PCDH9: variants seen among roughly 807,000 people sequenced by gnomAD.
PCDH9 encodes the protein protocadherin 9, also known as protocadherin-9.
Under a neutral mutation model 70.6 loss-of-function variants are expected in PCDH9, and 24 were observed. The ratio of observed to expected loss-of-function variants is 0.34; its 90% CI spans 0.25 to 0.48. PCDH9 has a LOEUF of 0.48. Ranked by LOEUF, PCDH9 falls within the 20% of genes least tolerant of loss-of-function variation. The pLI is 0.99. For missense variants in PCDH9, 1,281 were observed against 1,503.6 expected, an observed-to-expected ratio of 0.85 and a Z score of 2.45; for synonymous variants, 562 against 558.5, an observed-to-expected ratio of 1.01 and a Z score of -0.09.
At chr13:66,448,142 T>A (rs956722763) in intron 4 of PCDH9, among the ~76,000 whole-genome samples, 3 of 152,174 alleles carry the variant, frequency 2.0e-5, no homozygotes, top group Non-Finnish European at 2.9e-5. Context: ...AGGAAGCAAT[T>A]TCTCAGTCCA....
chr13:66,401,665 C>T (rs1390655584), intron 4 of PCDH9, among the ~76,000 whole-genome samples: 1 of 152,044 alleles, frequency 6.6e-6, no homozygotes, highest in African/African-American at 2.4e-5. Context: ...ACTTAAGGTC[C>T]TAGATAAATA....
At chr13:66,997,895 A>G (rs2084154920) in intron 2 of PCDH9, among the ~76,000 whole-genome samples, 1 of 152,160 alleles carries the variant, frequency 6.6e-6, no homozygotes, top group African/African-American at 2.4e-5. Flanking sequence ...ATCAGGATGA[A>G]AAGAAAGAAA....
intron 2 of PCDH9, among the ~76,000 whole-genome samples, chr13:67,183,411 T>A (rs927627832): frequency 3.9e-5 from 6 of 152,322 alleles, no homozygotes; most frequent in Non-Finnish European, 5.9e-5. Flanking sequence ...TCTTTTCTTT[T>A]GAATCTATAA....
intron 3 of PCDH9, among the ~76,000 whole-genome samples, chr13:66,699,069 C>A (rs2078602230): frequency 6.6e-6 from 1 of 151,826 alleles, no homozygotes. Context: ...CACCCACCAT[C>A]ATGTCCGGCT....
chr13:67,075,453 G>T (rs1486763718), intron 2 of PCDH9, among the ~76,000 whole-genome samples: 1 of 152,046 alleles, frequency 6.6e-6, no homozygotes, highest in Non-Finnish European at 1.5e-5. Context: ...GAGAACCTAG[G>T]ATTTCAAACT....
intron 2 of PCDH9, among the ~76,000 whole-genome samples, chr13:67,030,483 C>T (rs1009228396): frequency 6.6e-6 from 1 of 151,862 alleles, no homozygotes; most frequent in Admixed American, 6.6e-5. Flanking sequence ...CTCATCCCCC[C>T]ACCACCGACC....
intron 4 of PCDH9, among the ~76,000 whole-genome samples, chr13:66,431,154 G>A (rs1443692830): frequency 1.3e-5 from 2 of 151,998 alleles, no homozygotes. Context: ...GTCTATAATA[G>A]TTCATAGATT....
rs1313632174 is a variant in PCDH9, at chr13:66,932,681, T to TATATATATATATATATATATATAC, written c.3037-29077_3037-29076insGTATATATATATATATATATATAT. ...TCACATATATATATATATATATATATACACACACACACACGTATGTATATA... is the reference window on the plus strand; with the variant it reads ...TCACATATATATATATATATATATATATATATATATATATATATATATACACACACACACACACGTATGTATATA... On this transcript the variant is annotated intron_variant, in intron 2 of 4. Transcript: ENST00000377865. 5.5e-3 allele frequency among the ~76,000 whole-genome samples: 628 copies of TATATATATATATATATATATATAC among 114,364 alleles called. 11 individuals carry two copies. Among genetic ancestry groups the TATATATATATATATATATATATAC allele is most frequent in the African/African-American group, 0.019 (557 of 28,854 alleles). The allele number at this position is 114,364 out of a possible 152,430, so 75.0% of individuals were successfully genotyped here. A position where few individuals can be genotyped will look rare whatever the true frequency, so the allele number is the denominator to read the frequency against.
intron 3 of PCDH9, among the ~76,000 whole-genome samples, chr13:66,721,900 C>T (rs1397919705): frequency 1.3e-5 from 2 of 152,170 alleles, no homozygotes; most frequent in African/African-American, 4.8e-5. Flanking sequence ...CTCCCAGAAC[C>T]TCCAATGACA....
At chr13:66,646,736 A>G (rs2077775980) in intron 3 of PCDH9, among the ~76,000 whole-genome samples, 1 of 152,242 alleles carries the variant, frequency 6.6e-6, no homozygotes, top group African/African-American at 2.4e-5. Flanking sequence ...CATAAAAACC[A>G]AAAGTCAAGT....
intron 2 of PCDH9, among the ~76,000 whole-genome samples, chr13:66,911,809 T>G (rs779729503): frequency 6.6e-6 from 1 of 152,178 alleles, no homozygotes; most frequent in Non-Finnish European, 1.5e-5. Flanking sequence ...AATAAGTGGA[T>G]GCAAGCAATG....
chr13:67,116,701 G>T (rs2086783070), intron 2 of PCDH9, among the ~76,000 whole-genome samples: 1 of 152,092 alleles, frequency 6.6e-6, no homozygotes, highest in Non-Finnish European at 1.5e-5. Context: ...TTGCTCCTTT[G>T]TTCCATCCAC....
intron 3 of PCDH9, among the ~76,000 whole-genome samples, chr13:66,812,745 C>T (rs924232069): frequency 6.6e-6 from 1 of 152,118 alleles, no homozygotes; most frequent in African/African-American, 2.4e-5. Flanking sequence ...GTAGTTGTTA[C>T]AGAAGAGAAA....
chr13:67,014,352 GCTTTC>G (rs2084515266), intron 2 of PCDH9, among the ~76,000 whole-genome samples: 1 of 151,986 alleles, frequency 6.6e-6, no homozygotes, highest in African/African-American at 2.4e-5. Context: ...CTCTCATATT[GCTTTC>G]CTCGCATAAT....
rs1474635736 is a variant in PCDH9 at position 66,713,655 on chromosome 13, T to TATATATATATATATA, written c.3139-82245_3139-82244insTATATATATATATAT. Reference sequence around the variant, plus strand: ...TATATATATATATATATATATATAATGTACACACACATCCAGTTGACTCTT... The same window carrying TATATATATATATATA: ...TATATATATATATATATATATATAATATATATATATATATAGTACACACACATCCAGTTGACTCTT... On this transcript the variant is annotated intron_variant, in intron 3 of 4. Coordinates refer to ENST00000377865, the MANE Select transcript of PCDH9 (RefSeq NM_203487.3). Among the ~76,000 whole-genome samples, 172 of 63,564 alleles carry TATATATATATATATA rather than the reference T, an allele frequency of 2.7e-3. 4 individuals are homozygous for TATATATATATATATA. Among genetic ancestry groups the TATATATATATATATA allele is most frequent in the African/African-American group, 1.0e-2 (163 of 16,310 alleles). 41.7% of individuals were successfully genotyped at this position (63,564 alleles called of 152,430 possible).
intron 2 of PCDH9, among the ~76,000 whole-genome samples, chr13:67,070,646 A>G (rs2085743426): frequency 6.6e-6 from 1 of 152,168 alleles, no homozygotes; most frequent in Non-Finnish European, 1.5e-5. Flanking sequence ...AATTATACAG[A>G]GGACATCTAG....
intron 3 of PCDH9, among the ~76,000 whole-genome samples, chr13:66,878,912 C>T (rs1322469708): frequency 2.6e-5 from 4 of 152,088 alleles, no homozygotes; most frequent in Non-Finnish European, 2.9e-5. Context: ...TATTGGGCGT[C>T]CACTAACTGG....
At chr13:66,558,667 A>G (rs1416691839) in intron 4 of PCDH9, among the ~76,000 whole-genome samples, 1 of 151,966 alleles carries the variant, frequency 6.6e-6, no homozygotes, top group Non-Finnish European at 1.5e-5. Context: ...TGCCAAAGTC[A>G]GAGCCTCAAG....
chr13:66,581,510 G>A (rs546995969), intron 4 of PCDH9, among the ~76,000 whole-genome samples: 1 of 152,250 alleles, frequency 6.6e-6, no homozygotes, highest in South Asian at 2.1e-4. Flanking sequence ...TTTAATTATA[G>A]TATTTATTCC....
Sources: gnomAD v4.1 joint callset for allele counts (sites outside exome capture counted in the v4.1 genomes callset) on GRCh38, gnomAD v4.1.1 for gene constraint, MANE v1.5 for transcripts, NCBI Gene and HGNC (gene_info 2026-07-23, HGNC 2026-07-21) for gene names.